The following GALNTL6 variants were observed in gnomAD, a reference collection of about 807,000 sequenced individuals.
The protein encoded by GALNTL6 is polypeptide N-acetylgalactosaminyltransferase-like 6.
Under a neutral mutation model 73.7 loss-of-function variants are expected in GALNTL6, and 46 were observed. The ratio of observed to expected loss-of-function variants is 0.62; its 90% CI spans 0.49 to 0.80. GALNTL6 has a LOEUF of 0.80. Ranked by LOEUF, GALNTL6 falls within the 30% of genes least tolerant of loss-of-function variation. The probability of loss-of-function intolerance (pLI) is 0.00; values close to 1 mark genes in which losing one functional copy is unlikely to be tolerated. For synonymous variants in GALNTL6, 259 were observed against 263.7 expected (o/e 0.98, Z 0.17); for missense variants, 604 against 755.0 (o/e 0.80, Z 2.34).
At chr4:172,459,941 A>G (rs1324130025) in intron 5 of GALNTL6, among the ~76,000 whole-genome samples, 1 of 152,254 alleles carries the variant, frequency 6.6e-6, no homozygotes, top group Non-Finnish European at 1.5e-5. Context: ...AGCTGGAGGC[A>G]TCACGCTACC....
chr4:172,475,357 C>G (rs1439521195), intron 5 of GALNTL6, among the ~76,000 whole-genome samples: 1 of 151,726 alleles, frequency 6.6e-6, no homozygotes, highest in Non-Finnish European at 1.5e-5. Context: ...TTGGAAGTAT[C>G]TCATGATTCC....
chr4:172,799,168 G>C (rs1194661172), intron 5 of GALNTL6, among the ~76,000 whole-genome samples: 5 of 152,186 alleles, frequency 3.3e-5, no homozygotes. Context: ...GATGCAAAGA[G>C]CAGACCACAC....
intron 2 of GALNTL6, among the ~76,000 whole-genome samples, chr4:171,968,076 G>A (rs1739442481): frequency 1.3e-5 from 2 of 152,064 alleles, no homozygotes. Context: ...TATCTTAAAG[G>A]TTACTATAGC....
chr4:171,963,500 T>C, intron 2 of GALNTL6, among the ~76,000 whole-genome samples: 1 of 152,064 alleles, frequency 6.6e-6, no homozygotes, highest in Non-Finnish European at 1.5e-5. Flanking sequence ...AGAAATTAGG[T>C]TTAAAAAGTG....
In GALNTL6 at chr4:172,092,272, C is replaced by A. The variant is rs772589248; in HGVS notation, c.139-137384C>A. Among the ~76,000 whole-genome samples the A allele has an allele frequency of 2.6e-5, 4 of 152,074 alleles. No homozygotes were observed. In the East Asian group the frequency reaches 7.7e-4, roughly 29 times the overall value. On this transcript the variant is annotated intron_variant, in intron 2 of 12. Transcript: ENST00000506823. ...CAATTTTATATAATAATTATAATTA[C>A]GACTAATAACATATACCAAGGCATA...
chr4:172,513,137 G>C (rs541976766), intron 5 of GALNTL6, among the ~76,000 whole-genome samples: 1 of 151,930 alleles, frequency 6.6e-6, no homozygotes, highest in East Asian at 1.9e-4. Flanking sequence ...TGGTAGCTTT[G>C]TTCATATTTT....
At chr4:172,566,715 AC>A (rs1394353078) in intron 5 of GALNTL6, among the ~76,000 whole-genome samples, 1 of 151,982 alleles carries the variant, frequency 6.6e-6, no homozygotes, top group Non-Finnish European at 1.5e-5. Context: ...GAATAGAAAA[AC>A]AACAGAAAAA....
intron 2 of GALNTL6, among the ~76,000 whole-genome samples, chr4:171,893,982 T>C (rs1337255831): frequency 1.0e-5 from 1 of 97,612 alleles, no homozygotes; most frequent in African/African-American, 4.1e-5. Flanking sequence ...GCCAAAGAGC[T>C]TGGGGTTGAA....
At chr4:172,729,589 C>A (rs1401836538) in intron 5 of GALNTL6, among the ~76,000 whole-genome samples, 1 of 152,050 alleles carries the variant, frequency 6.6e-6, no homozygotes, top group Non-Finnish European at 1.5e-5. Context: ...TTCCATTGGT[C>A]CCTGTGTCTA....
At chr4:172,571,801 C>T (rs1217837476) in intron 5 of GALNTL6, among the ~76,000 whole-genome samples, 1 of 152,176 alleles carries the variant, frequency 6.6e-6, no homozygotes, top group Non-Finnish European at 1.5e-5. Context: ...TTTCTAATAA[C>T]ATGTTTTCAT....
intron 2 of GALNTL6, among the ~76,000 whole-genome samples, chr4:171,860,131 G>T (rs1354860581): frequency 6.6e-6 from 1 of 152,096 alleles, no homozygotes; most frequent in Non-Finnish European, 1.5e-5. Context: ...AATAATGTTT[G>T]TCACCACATA....
At chr4:173,003,958 A>G (rs1419253481) in intron 10 of GALNTL6, among the ~76,000 whole-genome samples, 1 of 152,192 alleles carries the variant, frequency 6.6e-6, no homozygotes, top group Non-Finnish European at 1.5e-5. Context: ...TGAGAACAGA[A>G]GCCAGTTTTT....
intron 12 of GALNTL6, among the ~76,000 whole-genome samples, chr4:173,034,728 C>T (rs1753613302): frequency 6.6e-6 from 1 of 152,198 alleles, no homozygotes; most frequent in African/African-American, 2.4e-5. Context: ...CCACCCCTGG[C>T]ACTCCAGGTC....
intron 5 of GALNTL6, among the ~76,000 whole-genome samples, chr4:172,354,177 A>G (rs1056736665): frequency 1.3e-5 from 2 of 152,122 alleles, no homozygotes; most frequent in African/African-American, 2.4e-5. Flanking sequence ...ACTAGATTAT[A>G]AGACAAGCAA....
chr4:171,816,955 G>A (rs1441846332), intron 2 of GALNTL6, among the ~76,000 whole-genome samples: 1 of 151,972 alleles, frequency 6.6e-6, no homozygotes, highest in Non-Finnish European at 1.5e-5. Context: ...TGTGTATATT[G>A]CAATGTTAGC....
chr4:172,154,790 T>C (rs1165213615), intron 2 of GALNTL6, among the ~76,000 whole-genome samples: 1 of 152,168 alleles, frequency 6.6e-6, no homozygotes, highest in Non-Finnish European at 1.5e-5. Context: ...GGTGGAAAGC[T>C]GGAATCTTGA....
intron 2 of GALNTL6, among the ~76,000 whole-genome samples, chr4:172,216,870 A>C (rs1275472419): frequency 6.6e-6 from 1 of 152,106 alleles, no homozygotes; most frequent in Non-Finnish European, 1.5e-5. Context: ...CATTTAAGAA[A>C]TACATTGGTT....
intron 2 of GALNTL6, among the ~76,000 whole-genome samples, chr4:172,056,898 T>C (rs1039202186): frequency 6.6e-5 from 10 of 152,116 alleles, no homozygotes; most frequent in Non-Finnish European, 1.2e-4. Flanking sequence ...TATTGTATGA[T>C]AGTTTTATTT....
At chr4:172,684,417 T>A (rs948783135) in intron 5 of GALNTL6, among the ~76,000 whole-genome samples, 1 of 152,178 alleles carries the variant, frequency 6.6e-6, no homozygotes, top group African/African-American at 2.4e-5. Flanking sequence ...AAGTTTCTGG[T>A]CTCAAGAACC....
Sources: gnomAD v4.1 joint callset for allele counts (sites outside exome capture counted in the v4.1 genomes callset) on GRCh38, gnomAD v4.1.1 for gene constraint, MANE v1.5 for transcripts, NCBI Gene and HGNC (gene_info 2026-07-23, HGNC 2026-07-21) for gene names.